Variants in MAP4K4 observed in about 807,000 individuals in gnomAD.
MAP4K4 encodes the protein mitogen-activated protein kinase kinase kinase kinase 4, also known as HPK/GCK-like kinase HGK.
A neutral mutation model predicts 189.6 loss-of-function variants in MAP4K4; 38 were observed. The ratio of observed to expected loss-of-function variants is 0.20; its 90% CI spans 0.15 to 0.26. The LOEUF is 0.26. Ranked by LOEUF, MAP4K4 falls within the 10% of genes least tolerant of loss-of-function variation. The probability of loss-of-function intolerance (pLI) is 1.00; values close to 1 mark genes in which losing one functional copy is unlikely to be tolerated. For synonymous variants in MAP4K4, 610 were observed against 624.3 expected, an observed-to-expected ratio of 0.98 and a Z score of 0.34; for missense variants, 1,054 against 1,726.9, an observed-to-expected ratio of 0.61 and a Z score of 6.91.
chr2:101,726,351 A>G (rs558816361), intron 2 of MAP4K4, among the ~76,000 whole-genome samples: 1 of 152,352 alleles, frequency 6.6e-6, no homozygotes, highest in Non-Finnish European at 1.5e-5. Flanking sequence ...TCACAGGCTA[A>G]GTGGTCTGTC....
At chr2:101,751,851 A>C (rs1450557563) in intron 2 of MAP4K4, among the ~76,000 whole-genome samples, 1 of 152,192 alleles carries the variant, frequency 6.6e-6, no homozygotes, top group Non-Finnish European at 1.5e-5. Context: ...CCATTTACGT[A>C]TACACTGGCA....
chr2:101,774,765 G>C (rs2083131628), intron 2 of MAP4K4, among the ~76,000 whole-genome samples: 1 of 152,170 alleles, frequency 6.6e-6, no homozygotes, highest in Non-Finnish European at 1.5e-5. Flanking sequence ...TCAGAATGCA[G>C]AACAGTCTCA....
At chr2:101,803,798 C>A (rs374761626) in intron 3 of MAP4K4, among the ~76,000 whole-genome samples, 2 of 152,140 alleles carry the variant, frequency 1.3e-5, no homozygotes, top group Non-Finnish European at 2.9e-5. Context: ...ACGGACCCCC[C>A]CTTCACTACC....
At chr2:101,728,622 A>C (rs2056820562) in intron 2 of MAP4K4, among the ~76,000 whole-genome samples, 1 of 152,092 alleles carries the variant, frequency 6.6e-6, no homozygotes, top group African/African-American at 2.4e-5. Flanking sequence ...AGGTTCGAGC[A>C]GTTCTTCTGC....
At chr2:101,728,978 A>G (rs1559121028) in intron 2 of MAP4K4, among the ~76,000 whole-genome samples, 1 of 152,218 alleles carries the variant, frequency 6.6e-6, no homozygotes, top group Non-Finnish European at 1.5e-5. Flanking sequence ...TGAGTGTTGC[A>G]CAAATGTTCA....
At position 101,885,050 on chromosome 2, in the gene MAP4K4, G is replaced by C. The variant is rs2072206; in HGVS notation, c.3521-137G>C. On this transcript the variant is annotated intron_variant, in intron 28 of 32. Coordinates refer to ENST00000324219, the Ensembl canonical transcript of MAP4K4. Reference sequence around the variant, plus strand: ...ACTGTGAGGTGTGATCTCTCTCTCTGAATTTTTCCCCTGCTTGTTTGGATG... The same window carrying C: ...ACTGTGAGGTGTGATCTCTCTCTCTCAATTTTTCCCCTGCTTGTTTGGATG... 0.15 allele frequency: 69,027 copies of C among 469,564 alleles called. 5,507 individuals are homozygous for C. Among genetic ancestry groups the C allele is most frequent in the Middle Eastern group, 0.21 (394 of 1,836 alleles). The allele number at this position is 469,564 out of a possible 1,614,324, so 29.1% of individuals were successfully genotyped here.
At chr2:101,739,976 C>A (rs932082389) in intron 2 of MAP4K4, among the ~76,000 whole-genome samples, 1 of 152,054 alleles carries the variant, frequency 6.6e-6, no homozygotes, top group Non-Finnish European at 1.5e-5. Context: ...TTATTTTACA[C>A]TAAAGGGAGG....
intron 3 of MAP4K4, among the ~76,000 whole-genome samples, chr2:101,795,780 T>C (rs1381068669): frequency 6.6e-6 from 1 of 152,184 alleles, no homozygotes; most frequent in African/African-American, 2.4e-5. Context: ...ATTTCTTAAT[T>C]TCTTGTGTCT....
chr2:101,727,065 A>G (rs958723368), intron 2 of MAP4K4, among the ~76,000 whole-genome samples: 2 of 152,184 alleles, frequency 1.3e-5, no homozygotes, highest in Admixed American at 6.5e-5. Context: ...GGATGAACCC[A>G]TTTATGAAGA....
exon 33 of MAP4K4, chr2:101,892,828 TCAC>T (rs768725259): frequency 9.0e-6 from 4 of 446,392 alleles, no homozygotes; most frequent in East Asian, 7.0e-5. Context: ...TTCATGGTCA[TCAC>T]TCAAGCTCCC....
At chr2:101,869,927 C>T (rs1480593051) in intron 22 of MAP4K4, 130 bp downstream of exon 22, 31 of 1,259,796 alleles carry the variant, frequency 2.5e-5, no homozygotes, top group African/African-American at 3.0e-5. Flanking sequence ...GTGGATTCAG[C>T]AGCAGGTCGC....
chr2:101,829,971 C>G (rs920459510), intron 6 of MAP4K4, among the ~76,000 whole-genome samples: 8 of 152,160 alleles, frequency 5.3e-5, no homozygotes, highest in Admixed American at 5.2e-4. Context: ...TTTTATGTCC[C>G]TCTTTACTTC....
chr2:101,741,111 T>C (rs1404320356), intron 2 of MAP4K4, among the ~76,000 whole-genome samples: 1 of 152,070 alleles, frequency 6.6e-6, no homozygotes, highest in Non-Finnish European at 1.5e-5. Flanking sequence ...TTATAAACTT[T>C]GAAATTTTGA....
chr2:101,720,028 A>AGGG (rs760733389), intron 2 of MAP4K4, among the ~76,000 whole-genome samples: 1 of 152,102 alleles, frequency 6.6e-6, no homozygotes, highest in Admixed American at 6.5e-5. Flanking sequence ...GAGTTCAAAA[A>AGGG]GGGGAGAACA....
rs116427819 is a variant in MAP4K4 at position 101,848,011 on chromosome 2, C to T, written c.1233+3700C>T. 3.1e-3 allele frequency among the ~76,000 whole-genome samples: 473 copies of T among 152,314 alleles called. 1 individual carries two copies. Among genetic ancestry groups the T allele is most frequent in the Non-Finnish European group, 4.4e-3 (299 of 68,028 alleles). ...CTTAGCATATTCAGTATAGTACCAT[C>T]CTGTGCAGGTTTGTAGCCTAGGAGC... On this transcript the variant is annotated intron_variant, in intron 12 of 32. Coordinates refer to ENST00000324219, the Ensembl canonical transcript of MAP4K4.
chr2:101,803,774 G>A (rs191261679), intron 3 of MAP4K4, among the ~76,000 whole-genome samples: 116 of 152,256 alleles, frequency 7.6e-4, no homozygotes, highest in Non-Finnish European at 1.3e-3. Context: ...AGCTCTGATT[G>A]TTTAATTAGA....
At chr2:101,844,756 T>C (rs571858868) in intron 12 of MAP4K4, among the ~76,000 whole-genome samples, 6 of 152,190 alleles carry the variant, frequency 3.9e-5, no homozygotes, top group South Asian at 2.1e-4. Context: ...GTTTTTTTTT[T>C]TCTAAATGCC....
At chr2:101,755,206 C>G (rs1006360413) in intron 2 of MAP4K4, among the ~76,000 whole-genome samples, 1 of 144,200 alleles carries the variant, frequency 6.9e-6, no homozygotes, top group Non-Finnish European at 1.5e-5. Flanking sequence ...TTTCTTTCTT[C>G]CCTTGAAAGC....
chr2:101,761,826 G>A (rs963491670), intron 2 of MAP4K4, among the ~76,000 whole-genome samples: 1 of 152,028 alleles, frequency 6.6e-6, no homozygotes, highest in Non-Finnish European at 1.5e-5. Context: ...CAAAGTGTTG[G>A]GATTACAGGC....
Sources: gnomAD v4.1 joint callset for allele counts (sites outside exome capture counted in the v4.1 genomes callset) on GRCh38, gnomAD v4.1.1 for gene constraint, MANE v1.5 for transcripts, NCBI Gene and HGNC (gene_info 2026-07-23, HGNC 2026-07-21) for gene names.